Variants in TSPAN2 observed in about 807,000 individuals in gnomAD.
TSPAN2 encodes tetraspanin 2.
Under a neutral mutation model 33.3 loss-of-function variants are expected in TSPAN2, and 24 were observed. The observed-to-expected ratio is 0.72, with a 90% confidence interval of 0.52 to 1.01. The LOEUF (loss-of-function observed/expected upper bound fraction) is 1.01. Ranked by LOEUF, TSPAN2 falls within the 50% of genes least tolerant of loss-of-function variation. The pLI, the probability that TSPAN2 is intolerant of heterozygous loss-of-function variation, is 0.00. For missense variants in TSPAN2, 278 were observed against 281.3 expected, an observed-to-expected ratio of 0.99 and a Z score of 0.08; for synonymous variants, 114 against 104.5, an observed-to-expected ratio of 1.09 and a Z score of -0.56.
intron 2 of TSPAN2, among the ~76,000 whole-genome samples, chr1:115,068,523 G>A (rs1349092893): frequency 6.6e-6 from 1 of 152,156 alleles, no homozygotes; most frequent in African/African-American, 2.4e-5. Flanking sequence ...CTTTAACAAA[G>A]GGGTGATAAG....
intron 2 of TSPAN2, among the ~76,000 whole-genome samples, chr1:115,062,846 G>A (rs967764836): frequency 1.3e-5 from 2 of 152,194 alleles, no homozygotes; most frequent in African/African-American, 2.4e-5. Flanking sequence ...TTCCTGGGGC[G>A]CCTCTGGGTT....
chr1:115,062,301 G>T, intron 2 of TSPAN2, 69 bp from the exon 3 acceptor site: 1 of 1,217,770 alleles, frequency 8.2e-7, no homozygotes, highest in Non-Finnish European at 1.2e-6. Context: ...CTAGGCTTAA[G>T]ACTCTGGGCA....
intron 2 of TSPAN2, among the ~76,000 whole-genome samples, chr1:115,068,483 T>C (rs191995475): frequency 1.3e-5 from 2 of 152,292 alleles, no homozygotes; most frequent in Admixed American, 6.5e-5. Context: ...TTAAGAACCA[T>C]TTGAATGTGC....
At chr1:115,073,971 A>G (rs545789840) in intron 1 of TSPAN2, among the ~76,000 whole-genome samples, 25 of 152,326 alleles carry the variant, frequency 1.6e-4, no homozygotes, top group South Asian at 1.0e-3. Context: ...CACTGTATCA[A>G]TCCATCAACA....
intron 1 of TSPAN2, among the ~76,000 whole-genome samples, chr1:115,075,598 G>T (rs1480112380): frequency 1.3e-5 from 2 of 152,116 alleles, no homozygotes; most frequent in East Asian, 1.9e-4. Context: ...ACCAGTTCCA[G>T]TCCAGTCAGG....
intron 1 of TSPAN2, 47 bp from the exon 2 acceptor site, chr1:115,073,054 T>C: frequency 6.5e-7 from 1 of 1,532,086 alleles, no homozygotes; most frequent in Non-Finnish European, 9.0e-7. Flanking sequence ...GGAAAGAGCA[T>C]GCACAGATCC....
At chr1:115,076,857 A>G (rs764042003) in intron 1 of TSPAN2, among the ~76,000 whole-genome samples, 4 of 152,012 alleles carry the variant, frequency 2.6e-5, no homozygotes, top group Non-Finnish European at 5.9e-5. Context: ...TGGGAAGTCA[A>G]TCCAGAGGCA....
intron 2 of TSPAN2, among the ~76,000 whole-genome samples, chr1:115,064,298 A>C (rs776037086): frequency 1.3e-5 from 2 of 152,196 alleles, no homozygotes; most frequent in Non-Finnish European, 2.9e-5. Flanking sequence ...GGCAGCAACA[A>C]CACCATATTC....
At chr1:115,082,730 C>T (rs1307401392) in intron 1 of TSPAN2, among the ~76,000 whole-genome samples, 1 of 152,148 alleles carries the variant, frequency 6.6e-6, no homozygotes, top group Non-Finnish European at 1.5e-5. Context: ...TGGAATGCAT[C>T]AAGACTAAAT....
chr1:115,056,668 G>T (rs1486574632), intron 6 of TSPAN2, among the ~76,000 whole-genome samples: 2 of 152,100 alleles, frequency 1.3e-5, no homozygotes, highest in Non-Finnish European at 2.9e-5. Context: ...GTTTCCCTCT[G>T]TGCTTTCCGA....
intron 1 of TSPAN2, among the ~76,000 whole-genome samples, chr1:115,085,471 C>G (rs906040169): frequency 4.6e-5 from 7 of 152,268 alleles, no homozygotes; most frequent in African/African-American, 1.7e-4. Context: ...ACCTGTCCCA[C>G]CTCTATGCTT....
intron 1 of TSPAN2, among the ~76,000 whole-genome samples, chr1:115,086,879 T>C (rs997946565): frequency 1.3e-5 from 2 of 152,216 alleles, no homozygotes; most frequent in Non-Finnish European, 2.9e-5. Context: ...CCAGAGTTTC[T>C]GATTCAGCAA....
At chr1:115,060,376 A>G in intron 4 of TSPAN2, 88 bp downstream of exon 4, 1 of 1,050,686 alleles carries the variant, frequency 9.5e-7, no homozygotes, top group South Asian at 1.4e-5. Flanking sequence ...AATAATGGGG[A>G]TTATTTGGTT....
At chr1:115,062,564 C>T (rs1647778817) in intron 2 of TSPAN2, among the ~76,000 whole-genome samples, 1 of 152,166 alleles carries the variant, frequency 6.6e-6, no homozygotes, top group Admixed American at 6.5e-5. Flanking sequence ...GCCCCACGTA[C>T]AGTTCTTACA....
intron 6 of TSPAN2, among the ~76,000 whole-genome samples, chr1:115,054,045 C>T (rs778918630): frequency 1.3e-5 from 2 of 152,150 alleles, no homozygotes; most frequent in Non-Finnish European, 2.9e-5. Context: ...CCTATCCTTT[C>T]ATCTGTGCCC....
At chr1:115,065,951 C>G (rs76294193) in intron 2 of TSPAN2, among the ~76,000 whole-genome samples, 4,767 of 152,286 alleles carry the variant, frequency 0.031, 121 homozygotes, top group Non-Finnish European at 0.042. Flanking sequence ...CCCTCGGCCT[C>G]CATGAGATCC....
intron 4 of TSPAN2, among the ~76,000 whole-genome samples, 196 bp from the exon 5 acceptor site, chr1:115,059,177 T>G (rs995296656): frequency 6.6e-6 from 1 of 152,126 alleles, no homozygotes; most frequent in Non-Finnish European, 1.5e-5. Flanking sequence ...TTGGGTACAG[T>G]GTACACTGCT....
chr1:115,081,688 G>A (rs1369152965), intron 1 of TSPAN2, among the ~76,000 whole-genome samples: 1 of 152,184 alleles, frequency 6.6e-6, no homozygotes, highest in African/African-American at 2.4e-5. Flanking sequence ...GCCTCCTAAA[G>A]AGACTAAATG....
At chr1:115,056,971 T>C (rs1647454297) in intron 6 of TSPAN2, among the ~76,000 whole-genome samples, 1 of 152,104 alleles carries the variant, frequency 6.6e-6, no homozygotes, top group Admixed American at 6.5e-5. Flanking sequence ...ACCCTTAAAT[T>C]GTCCCCCAAG....
Sources: gnomAD v4.1 joint callset for allele counts (sites outside exome capture counted in the v4.1 genomes callset) on GRCh38, gnomAD v4.1.1 for gene constraint, MANE v1.5 for transcripts, NCBI Gene and HGNC (gene_info 2026-07-23, HGNC 2026-07-21) for gene names.